B4GALT1: variants seen among roughly 807,000 people sequenced by gnomAD.
B4GALT1 encodes the protein beta-1,4-galactosyltransferase 1.
In B4GALT1, 16 loss-of-function variants were observed where a neutral mutation model predicts 34.9. The ratio of observed to expected loss-of-function variants is 0.46; its 90% CI spans 0.31 to 0.70. The LOEUF (loss-of-function observed/expected upper bound fraction) is 0.70. Among genes scored for constraint, B4GALT1 ranks in the 30% least tolerant of loss-of-function variants. B4GALT1 has a pLI of 0.05. For missense variants in B4GALT1, 445 were observed against 530.5 expected, an observed-to-expected ratio of 0.84 and a Z score of 1.58; for synonymous variants, 221 against 218.1, an observed-to-expected ratio of 1.01 and a Z score of -0.12.
intron 2 of B4GALT1, among the ~76,000 whole-genome samples, chr9:33,122,490 G>C (rs1421502354): frequency 6.6e-6 from 1 of 151,110 alleles, no homozygotes; most frequent in African/African-American, 2.4e-5. Flanking sequence ...CTGGGCGGCA[G>C]AGTGAGACCC....
chr9:33,160,517 A>T (rs1441727390), intron 1 of B4GALT1, among the ~76,000 whole-genome samples: 1 of 152,218 alleles, frequency 6.6e-6, no homozygotes, highest in Non-Finnish European at 1.5e-5. Flanking sequence ...CTATAATCCC[A>T]GCGCTTTGGG....
upstream of B4GALT1, among the ~76,000 whole-genome samples, chr9:33,168,359 G>A (rs1840803436): frequency 1.3e-5 from 2 of 152,230 alleles, no homozygotes; most frequent in African/African-American, 4.8e-5. Context: ...GGCCCTGAGT[G>A]AGCAGAGACA....
At chr9:33,117,569 C>T (rs930317510) in intron 3 of B4GALT1, among the ~76,000 whole-genome samples, 2 of 152,188 alleles carry the variant, frequency 1.3e-5, no homozygotes, top group African/African-American at 4.8e-5. Flanking sequence ...CCAAAAAGAC[C>T]AAACCCATCA....
At chr9:33,145,772 G>A (rs1405044714) in intron 1 of B4GALT1, among the ~76,000 whole-genome samples, 4 of 152,298 alleles carry the variant, frequency 2.6e-5, no homozygotes, top group South Asian at 2.1e-4. Flanking sequence ...CACAGCACAC[G>A]TGCCTTTACT....
chr9:33,153,612 T>C (rs188984545), intron 1 of B4GALT1, among the ~76,000 whole-genome samples: 2 of 152,250 alleles, frequency 1.3e-5, no homozygotes, highest in African/African-American at 4.8e-5. Flanking sequence ...TTAGATGACT[T>C]AGATGAAGCA....
chr9:33,105,567 G>T (rs1839789715), intron 2 of B4GALT1, among the ~76,000 whole-genome samples: 1 of 152,152 alleles, frequency 6.6e-6, no homozygotes, highest in Admixed American at 6.5e-5. Context: ...TCCATTTCCA[G>T]AACTTTTTCA....
At chr9:33,136,485 C>A (rs1840275087) in intron 1 of B4GALT1, among the ~76,000 whole-genome samples, 1 of 152,202 alleles carries the variant, frequency 6.6e-6, no homozygotes, top group Admixed American at 6.5e-5. Flanking sequence ...CAGAAAACAT[C>A]AGACCCAGCA....
intron 1 of B4GALT1, among the ~76,000 whole-genome samples, chr9:33,145,425 A>T (rs985254527): frequency 2.0e-5 from 3 of 152,210 alleles, no homozygotes; most frequent in Non-Finnish European, 4.4e-5. Context: ...AAATCACCAG[A>T]AAAACCTCAG....
At chr9:33,165,704 T>C (rs1383357892) in intron 1 of B4GALT1, among the ~76,000 whole-genome samples, 1 of 152,164 alleles carries the variant, frequency 6.6e-6, no homozygotes, top group Non-Finnish European at 1.5e-5. Context: ...ATCTAAAACC[T>C]AGCATTAGAA....
chr9:33,120,533 T>C lies in B4GALT1; in HGVS notation c.722A>G (p.Tyr241Cys). ...GFQEALKDYD[Y>C]TCFVFSDVDL... ...CACGTCACTAAACACAAAGCAGGTG[T>C]AGTCATAGTCCTTCAAGGCTTCTTG... Residue 241 changes from tyrosine (Y) to cysteine (C), a missense_variant, in exon 3 of 6, where the codon TAC (tyrosine) becomes TGC (cysteine). This residue lies in a region of B4GALT1 where 349 missense variants were observed against 395.5 expected (regional missense o/e 0.88). Coordinates refer to ENST00000379731, the MANE Select transcript of B4GALT1 (RefSeq NM_001497.4). 1 of 1,614,210 alleles carries C rather than the reference T, an allele frequency of 6.2e-7. No individual in the cohort carries two copies. The highest frequency in any genetic ancestry group is 8.5e-7 in the Non-Finnish European group (1 of 1,180,024).
the B4GALT1 span, among the ~76,000 whole-genome samples, chr9:33,174,778 G>A: frequency 1.4e-5 from 2 of 144,566 alleles, no homozygotes; most frequent in Non-Finnish European, 3.0e-5. Context: ...ACAATATGGT[G>A]AAACCCCGTC....
intron 2 of B4GALT1, among the ~76,000 whole-genome samples, chr9:33,133,421 T>C (rs1358394944): frequency 4.6e-5 from 7 of 152,228 alleles, no homozygotes; most frequent in Non-Finnish European, 1.0e-4. Context: ...CTCCTGGTGA[T>C]GGTGGCCGCC....
chr9:33,141,642 G>T (rs1359946917), intron 1 of B4GALT1, among the ~76,000 whole-genome samples: 1 of 152,176 alleles, frequency 6.6e-6, no homozygotes, highest in Non-Finnish European at 1.5e-5. Flanking sequence ...TCAACTAGGG[G>T]ACAGGAAGAG....
chr9:33,158,537 A>G (rs930332743), intron 1 of B4GALT1, among the ~76,000 whole-genome samples: 3 of 152,054 alleles, frequency 2.0e-5, no homozygotes, highest in African/African-American at 7.3e-5. Context: ...TTGGAATTTC[A>G]GCTTTAGTAT....
chr9:33,176,915 T>C, the B4GALT1 span, among the ~76,000 whole-genome samples: 1 of 152,100 alleles, frequency 6.6e-6, no homozygotes, highest in Admixed American at 6.6e-5. Context: ...ATAACTAATA[T>C]AACATTTGAG....
chr9:33,173,626 G>GTGTT, the B4GALT1 span, among the ~76,000 whole-genome samples: 1 of 151,432 alleles, frequency 6.6e-6, no homozygotes, highest in South Asian at 2.1e-4. Flanking sequence ...GTGTGTGTGT[G>GTGTT]TGTGTATTGT....
chr9:33,166,819 G>C lies in B4GALT1; in HGVS notation c.351C>G (p.Val117=). The C allele has an allele frequency of 6.5e-7, 1 of 1,549,160 alleles. No homozygotes were observed. The highest frequency in any genetic ancestry group is 8.7e-7 in the Non-Finnish European group (1 of 1,153,314). ...GPGPASNLTS[V]PVPHTTALSL... is the part of the protein sequence containing the mutation. ...ACAGTGCGGTGGTGTGGGGCACTGG[G>C]ACCGAGGTCAAGTTGCTAGCGGGGC... is the stretch of plus-strand genomic sequence containing the variant. The change falls in exon 1 of 6, where the codon GTC becomes GTG. Residue 117 remains valine, a synonymous_variant. Coordinates refer to ENST00000379731, the MANE Select transcript of B4GALT1 (RefSeq NM_001497.4).
At chr9:33,176,646 CT>C in the B4GALT1 span, among the ~76,000 whole-genome samples, 1 of 152,092 alleles carries the variant, frequency 6.6e-6, no homozygotes, top group Non-Finnish European at 1.5e-5. Flanking sequence ...TAAGTGGGAG[CT>C]AGACATTGAG....
the B4GALT1 span, among the ~76,000 whole-genome samples, chr9:33,177,234 T>G: frequency 6.6e-6 from 1 of 152,212 alleles, no homozygotes; most frequent in African/African-American, 2.4e-5. Flanking sequence ...TTACTACATG[T>G]TACTACTATG....
Sources: allele counts gnomAD v4.1 joint callset (sites outside exome capture counted in the v4.1 genomes callset), GRCh38; gene constraint gnomAD v4.1.1; regional missense constraint gnomAD v4.1.1; transcripts MANE v1.5; gene names NCBI Gene and HGNC (gene_info 2026-07-23, HGNC 2026-07-21).